PCDH17: variants seen among roughly 807,000 people sequenced by gnomAD.
PCDH17 encodes the protein protocadherin 17, also known as protocadherin-17.
A neutral mutation model predicts 67.7 loss-of-function variants in PCDH17; 21 were observed. The ratio of observed to expected loss-of-function variants is 0.31; its 90% CI spans 0.22 to 0.45. PCDH17 has a LOEUF of 0.45. Ranked by LOEUF, PCDH17 falls within the 20% of genes least tolerant of loss-of-function variation. The probability of loss-of-function intolerance (pLI) is 1.00; values close to 1 mark genes in which losing one functional copy is unlikely to be tolerated. For synonymous variants in PCDH17, 701 were observed against 656.7 expected (o/e 1.07, Z -1.03); for missense variants, 1,471 against 1,564.8 (o/e 0.94, Z 1.01).
At chr13:57,710,161 G>C (rs867771145) in intron 3 of PCDH17, among the ~76,000 whole-genome samples, 15 of 151,808 alleles carry the variant, frequency 9.9e-5, no homozygotes, top group African/African-American at 3.6e-4. Flanking sequence ...TTTTCTTTTG[G>C]TGTAAGTTGT....
chr13:57,639,038 A>G (rs1954859201), intron 1 of PCDH17, among the ~76,000 whole-genome samples: 1 of 152,016 alleles, frequency 6.6e-6, no homozygotes, highest in Non-Finnish European at 1.5e-5. Context: ...ATTCTAAGAC[A>G]GCTCTTTAAT....
At chr13:57,716,529 C>G (rs768321624) in intron 3 of PCDH17, among the ~76,000 whole-genome samples, 7 of 151,870 alleles carry the variant, frequency 4.6e-5, no homozygotes, top group Non-Finnish European at 7.4e-5. Flanking sequence ...AAACCCTGAT[C>G]AGCCTTTGAA....
In PCDH17 at chr13:57,632,990, C is replaced by T. The variant is rs370709004; in HGVS notation, c.444C>T (p.Gly148=). 1.2e-6 allele frequency: 2 copies of T among 1,613,216 alleles called. No individual in the cohort carries two copies. The highest frequency in any genetic ancestry group is 1.6e-4 in the Middle Eastern group (1 of 6,062). ...ACATCTCGGAGAACGCTGCTCCGGG[C>T]ACCCGCTTCCCCCTCACCAGCGCAC... ...EMDISENAAP[G]TRFPLTSAHD... is the part of the protein sequence containing the mutation. Residue 148 remains glycine (G), a synonymous_variant, in exon 1 of 4, where the codon GGC becomes GGT. Transcript: ENST00000377918.
At chr13:57,709,119 A>G (rs1308331192) in intron 3 of PCDH17, among the ~76,000 whole-genome samples, 2 of 150,654 alleles carry the variant, frequency 1.3e-5, no homozygotes, top group Non-Finnish European at 3.0e-5. Context: ...AAATATATAT[A>G]TATATTTCTC....
At chr13:57,655,795 A>G (rs1001449276) in intron 1 of PCDH17, among the ~76,000 whole-genome samples, 3 of 152,062 alleles carry the variant, frequency 2.0e-5, no homozygotes, top group Admixed American at 2.0e-4. Flanking sequence ...AGAAGTACAG[A>G]TTCTTTCAAA....
At chr13:57,650,883 T>C (rs933804584) in intron 1 of PCDH17, among the ~76,000 whole-genome samples, 2 of 152,320 alleles carry the variant, frequency 1.3e-5, no homozygotes, top group Admixed American at 6.5e-5. Flanking sequence ...GACTCAGGCC[T>C]GAACTGATTT....
At position 57,727,323 on chromosome 13, in the gene PCDH17, T is replaced by G. The variant is rs1300894948; in HGVS notation, c.*2029T>G. ...GTGGATAATTTTGTGCCTTCTCTTCTGGCCACCAAGCCAGTGTAGAAACAG... is the reference window on the plus strand; with the variant it reads ...GTGGATAATTTTGTGCCTTCTCTTCGGGCCACCAAGCCAGTGTAGAAACAG... On this transcript the variant is annotated 3_prime_UTR_variant, in exon 4 of 4. Transcript: ENST00000377918. 4.6e-5 allele frequency: 7 copies of G among 152,618 alleles called. No individual in the cohort carries two copies. The highest frequency in any genetic ancestry group is 3.3e-4 in the Admixed American group (5 of 15,270). The allele number at this position is 152,618 out of a possible 1,614,324, so 9.5% of individuals were successfully genotyped here.
intron 3 of PCDH17, among the ~76,000 whole-genome samples, chr13:57,678,440 A>T (rs1955415750): frequency 6.6e-6 from 1 of 151,656 alleles, no homozygotes; most frequent in Non-Finnish European, 1.5e-5. Context: ...TTGAAGCATA[A>T]TGGGGAGGCT....
chr13:57,674,751 G>A (rs1955369957), intron 3 of PCDH17, among the ~76,000 whole-genome samples: 3 of 151,892 alleles, frequency 2.0e-5, no homozygotes, highest in Admixed American at 1.3e-4. Context: ...AGAACTTAAG[G>A]AAATAATTTT....
intron 1 of PCDH17, among the ~76,000 whole-genome samples, chr13:57,641,780 C>T (rs942712512): frequency 6.0e-5 from 9 of 149,734 alleles, no homozygotes; most frequent in Admixed American, 3.4e-4. Context: ...ATGATTGGCG[C>T]GTTTGCATAT....
intron 3 of PCDH17, among the ~76,000 whole-genome samples, chr13:57,722,106 T>A (rs1409715109): frequency 6.6e-6 from 1 of 152,178 alleles, no homozygotes; most frequent in Admixed American, 6.6e-5. Flanking sequence ...CCCCACGATG[T>A]GACATAAAGG....
At chr13:57,643,127 A>G (rs1299166008) in intron 1 of PCDH17, among the ~76,000 whole-genome samples, 1 of 151,632 alleles carries the variant, frequency 6.6e-6, no homozygotes, top group Non-Finnish European at 1.5e-5. Context: ...TAGAAATTGC[A>G]TATGTATTAC....
At chr13:57,663,070 AT>A (rs1331132366) in intron 1 of PCDH17, among the ~76,000 whole-genome samples, 2 of 151,994 alleles carry the variant, frequency 1.3e-5, no homozygotes, top group South Asian at 2.1e-4. Context: ...TGTATTATTG[AT>A]TTTTTGTAGA....
chr13:57,656,995 G>A (rs538187668), intron 1 of PCDH17, among the ~76,000 whole-genome samples: 1 of 152,202 alleles, frequency 6.6e-6, no homozygotes, highest in South Asian at 2.1e-4. Context: ...ATAACAAATA[G>A]CGCTCATCTT....
rs914604258 is a variant in PCDH17, at chr13:57,654,375, G to A, written c.2566-12093G>A. Reference sequence around the variant, plus strand: ...GCCATGAGACAACCATTGTTGTAAAGCATGACTGTTATTGATATTTCTTAA... The same window carrying A: ...GCCATGAGACAACCATTGTTGTAAAACATGACTGTTATTGATATTTCTTAA... On this transcript the variant is annotated intron_variant, in intron 1 of 3. Coordinates refer to ENST00000377918, the MANE Select transcript of PCDH17 (RefSeq NM_001040429.3). Among the ~76,000 whole-genome samples, 6 of 150,932 alleles carry A rather than the reference G, an allele frequency of 4.0e-5. No homozygotes were observed. The East Asian group carries it at 9.7e-4, about 24-fold the overall frequency.
intron 1 of PCDH17, among the ~76,000 whole-genome samples, chr13:57,665,176 G>C (rs1566227226): frequency 6.8e-6 from 1 of 146,858 alleles, no homozygotes; most frequent in East Asian, 2.0e-4. Flanking sequence ...AATTTGTGGG[G>C]GGGGTTTCTG....
intron 3 of PCDH17, among the ~76,000 whole-genome samples, chr13:57,700,794 G>A (rs895691788): frequency 3.3e-5 from 5 of 152,224 alleles, no homozygotes; most frequent in South Asian, 2.1e-4. Context: ...ATCTGAACTA[G>A]ACTAGACTAG....
chr13:57,721,811 A>G (rs1955874151), intron 3 of PCDH17, among the ~76,000 whole-genome samples: 1 of 150,918 alleles, frequency 6.6e-6, no homozygotes, highest in Admixed American at 6.6e-5. Flanking sequence ...CCATTTGTCT[A>G]TCTTTTTTGC....
At chr13:57,645,484 A>G (rs1954953869) in intron 1 of PCDH17, among the ~76,000 whole-genome samples, 1 of 151,626 alleles carries the variant, frequency 6.6e-6, no homozygotes, top group Non-Finnish European at 1.5e-5. Context: ...ATATGCTAAA[A>G]TGTTGATCTG....
Sources: allele counts gnomAD v4.1 joint callset (sites outside exome capture counted in the v4.1 genomes callset), GRCh38; gene constraint gnomAD v4.1.1; transcripts MANE v1.5; gene names NCBI Gene and HGNC (gene_info 2026-07-23, HGNC 2026-07-21).